The following DIS3L2 variants were observed in gnomAD, a reference collection of about 807,000 sequenced individuals.
DIS3L2 encodes the protein DIS3-like exonuclease 2.
Under a neutral mutation model 97.5 loss-of-function variants are expected in DIS3L2, and 34 were observed. That is an observed-to-expected ratio of 0.35 (90% confidence interval 0.27 to 0.46). The LOEUF (loss-of-function observed/expected upper bound fraction) is 0.46, where lower values mean the gene tolerates loss of function less well. Ranked by LOEUF, DIS3L2 falls within the 20% of genes least tolerant of loss-of-function variation. The pLI, the probability that DIS3L2 is intolerant of heterozygous loss-of-function variation, is 1.00. For synonymous variants in DIS3L2, 435 were observed against 445.2 expected (o/e 0.98, Z 0.29); for missense variants, 1,038 against 1,146.0 (o/e 0.91, Z 1.36).
chr2:232,296,919 G>A (rs1694738360), intron 13 of DIS3L2, among the ~76,000 whole-genome samples: 1 of 152,124 alleles, frequency 6.6e-6, no homozygotes, highest in African/African-American at 2.4e-5. Flanking sequence ...GAGTTGGTGT[G>A]AACATAGTTT....
At chr2:232,249,612 C>T (rs546669247) in intron 12 of DIS3L2, among the ~76,000 whole-genome samples, 36 of 152,200 alleles carry the variant, frequency 2.4e-4, no homozygotes, top group African/African-American at 7.9e-4. Context: ...AGAGTGATGC[C>T]GGGGAGGCTT....
At chr2:232,341,363 C>T (rs1696098736), downstream of DIS3L2, among the ~76,000 whole-genome samples, 2 of 152,202 alleles carry the variant, frequency 1.3e-5, no homozygotes, top group Admixed American at 6.5e-5. Context: ...CCCAGAAGAG[C>T]CTGGAGGACA....
chr2:232,263,867 G>T (rs916681424), intron 13 of DIS3L2, among the ~76,000 whole-genome samples: 1 of 151,948 alleles, frequency 6.6e-6, no homozygotes, highest in Non-Finnish European at 1.5e-5. Flanking sequence ...TGATACGAAG[G>T]CTTGGAAAAA....
intron 11 of DIS3L2, among the ~76,000 whole-genome samples, chr2:232,247,616 C>CGGTGG (rs1559173558): frequency 4.6e-4 from 3 of 6,526 alleles, no homozygotes; most frequent in Non-Finnish European, 1.9e-3. Context: ...ATAACTGCCG[C>CGGTGG]GGGGGGGGGG....
At chr2:232,228,903 G>A (rs1290595725) in intron 10 of DIS3L2, among the ~76,000 whole-genome samples, 6 of 152,126 alleles carry the variant, frequency 3.9e-5, no homozygotes, top group Non-Finnish European at 5.9e-5. Context: ...TTAAAGCAGG[G>A]TTTGCATTTT....
intron 13 of DIS3L2, among the ~76,000 whole-genome samples, chr2:232,289,629 A>G (rs1249863340): frequency 6.6e-6 from 1 of 152,214 alleles, no homozygotes; most frequent in African/African-American, 2.4e-5. Context: ...AAATAGAGGA[A>G]CATACTAACC....
chr2:232,266,327 T>A (rs1693857600), intron 13 of DIS3L2, among the ~76,000 whole-genome samples: 1 of 152,256 alleles, frequency 6.6e-6, no homozygotes, highest in South Asian at 2.1e-4. Context: ...GTTAGAGAGC[T>A]GAAGCCCCTA....
At chr2:232,103,948 G>A (rs2106326122) in intron 6 of DIS3L2, among the ~76,000 whole-genome samples, 1 of 152,162 alleles carries the variant, frequency 6.6e-6, no homozygotes, top group South Asian at 2.1e-4. Flanking sequence ...AGTATTTTCA[G>A]TTGTTTAGTT....
rs1196675446 is a variant in DIS3L2, at chr2:232,335,933, G to A, written c.2496+59G>A. 3.9e-6 allele frequency: 6 copies of A among 1,547,676 alleles called. No homozygotes were observed. The East Asian group carries it at 1.2e-4, about 32-fold the overall frequency. On this transcript the variant is annotated intron_variant, in intron 20 of 20. Coordinates refer to ENST00000325385, the MANE Select transcript of DIS3L2 (RefSeq NM_152383.5). ...CCTGATGACCCCTCTCCTGCCTCCT[G>A]CGGTGCCCCTCATTCCTTCATCTGT... is the stretch of plus-strand genomic sequence containing the variant.
chr2:232,237,147 A>G (rs1692954884), intron 10 of DIS3L2, among the ~76,000 whole-genome samples: 1 of 152,048 alleles, frequency 6.6e-6, no homozygotes, highest in South Asian at 2.1e-4. Context: ...GTATGTATAT[A>G]CTCTTGTATG....
intron 1 of DIS3L2, among the ~76,000 whole-genome samples, chr2:231,992,164 A>C (rs1291861145): frequency 6.6e-6 from 1 of 152,160 alleles, no homozygotes; most frequent in Non-Finnish European, 1.5e-5. Flanking sequence ...AACATGACCC[A>C]CTTGGGATTG....
chr2:232,181,394 T>A (rs1445937095), intron 9 of DIS3L2, among the ~76,000 whole-genome samples: 1 of 152,210 alleles, frequency 6.6e-6, no homozygotes, highest in Admixed American at 6.5e-5. Flanking sequence ...CTGGATGATA[T>A]CCTGCAGAGT....
intron 1 of DIS3L2, among the ~76,000 whole-genome samples, chr2:232,011,347 C>A (rs1694194071): frequency 6.6e-6 from 1 of 151,450 alleles, no homozygotes; most frequent in South Asian, 2.1e-4. Context: ...CTTGTTTGTT[C>A]ATTTTCTTTC....
In DIS3L2 at chr2:232,040,132, A is replaced by G. The variant is rs183468435; in HGVS notation, c.366+10052A>G. Among the ~76,000 whole-genome samples the G allele has an allele frequency of 4.0e-3, 613 of 152,310 alleles. 2 individuals carry two copies. Among genetic ancestry groups the G allele is most frequent in the Non-Finnish European group, 6.6e-3 (452 of 68,016 alleles). ...GAAAGAATTGGGGAAGACTTCATAG[A>G]GGTTACATTAGAGCTAAGGTTTAAA... is the stretch of plus-strand genomic sequence containing the variant. On this transcript the variant is annotated intron_variant, in intron 5 of 20. Coordinates refer to ENST00000325385, the MANE Select transcript of DIS3L2 (RefSeq NM_152383.5).
chr2:232,319,958 G>A (rs956849346), intron 14 of DIS3L2, among the ~76,000 whole-genome samples: 3 of 152,192 alleles, frequency 2.0e-5, no homozygotes, highest in African/African-American at 4.8e-5. Flanking sequence ...GAGTGGCGTC[G>A]GGGAAAGGGC....
chr2:232,240,789 C>T (rs16828712), intron 11 of DIS3L2, among the ~76,000 whole-genome samples: 19,329 of 152,270 alleles, frequency 0.13, 1,692 homozygotes, highest in East Asian at 0.37. Flanking sequence ...ATGGGGCTTC[C>T]TCCCTGACCC....
chr2:232,334,355 C>A lies in DIS3L2; in HGVS notation c.2159-14C>A, dbSNP rs1257820110. On this transcript the variant is annotated splice_polypyrimidine_tract_variant and intron_variant, in intron 17 of 20. Coordinates refer to ENST00000325385, the MANE Select transcript of DIS3L2 (RefSeq NM_152383.5). ...CCCAGGCTCCCACTCTCATGCCTCA[C>A]CCCCTCTTCCCAGGCTATAGGGAGC... 2 of 1,612,588 alleles carry A rather than the reference C, an allele frequency of 1.2e-6. No individual in the cohort carries two copies. Among genetic ancestry groups the A allele is most frequent in the East Asian group, 2.2e-5 (1 of 44,850 alleles).
intron 10 of DIS3L2, among the ~76,000 whole-genome samples, chr2:232,237,165 A>T (rs1692955610): frequency 6.6e-6 from 1 of 152,202 alleles, no homozygotes; most frequent in African/African-American, 2.4e-5. Flanking sequence ...ATGTATGTGT[A>T]TATTTTTATT....
chr2:232,108,160 C>A (rs1158347430), intron 6 of DIS3L2, among the ~76,000 whole-genome samples: 1 of 152,140 alleles, frequency 6.6e-6, no homozygotes, highest in Non-Finnish European at 1.5e-5. Flanking sequence ...CCGAGTTCAG[C>A]AGCTCATCAA....
Sources: gnomAD v4.1 joint callset for allele counts (sites outside exome capture counted in the v4.1 genomes callset) on GRCh38, gnomAD v4.1.1 for gene constraint, MANE v1.5 for transcripts, NCBI Gene and HGNC (gene_info 2026-07-23, HGNC 2026-07-21) for gene names.